Variants in SLC4A8 observed in about 807,000 individuals in gnomAD.
SLC4A8 encodes electroneutral sodium bicarbonate exchanger 1.
In SLC4A8, 40 loss-of-function variants were observed where a neutral mutation model predicts 125.0. The observed-to-expected ratio is 0.32, with a 90% confidence interval of 0.25 to 0.42. The LOEUF (loss-of-function observed/expected upper bound fraction) is 0.42, where lower values mean the gene tolerates loss of function less well. SLC4A8 is among the 10% of genes least tolerant of loss of function. The pLI, the probability that SLC4A8 is intolerant of heterozygous loss-of-function variation, is 1.00. For missense variants in SLC4A8, 863 were observed against 1,355.1 expected (o/e 0.64, Z 5.70); for synonymous variants, 456 against 476.0 (o/e 0.96, Z 0.55).
intron 16 of SLC4A8, among the ~76,000 whole-genome samples, chr12:51,478,797 A>C (rs1950934667): frequency 2.6e-5 from 4 of 152,214 alleles, no homozygotes; most frequent in Non-Finnish European, 4.4e-5. Context: ...AATTGTGAAC[A>C]ATCAGGATTC....
intron 11 of SLC4A8, among the ~76,000 whole-genome samples, chr12:51,468,689 G>A (rs1214355223): frequency 1.3e-5 from 2 of 152,180 alleles, no homozygotes; most frequent in Non-Finnish European, 1.5e-5. Context: ...GAACCCAGGA[G>A]GCGGAGCTTG....
chr12:51,427,869 G>A (rs10876179), intron 1 of SLC4A8, among the ~76,000 whole-genome samples: 8 of 152,136 alleles, frequency 5.3e-5, no homozygotes, highest in African/African-American at 1.9e-4. Context: ...GCCACAGGGA[G>A]CTTTTAAAAA....
At chr12:51,407,598 A>G (rs1436006098) in intron 1 of SLC4A8, among the ~76,000 whole-genome samples, 2 of 152,160 alleles carry the variant, frequency 1.3e-5, no homozygotes, top group Non-Finnish European at 2.9e-5. Flanking sequence ...AATTTTGAAG[A>G]GACACATTCA....
At chr12:51,491,254 G>A (rs1353546963) in intron 19 of SLC4A8, among the ~76,000 whole-genome samples, 1 of 152,138 alleles carries the variant, frequency 6.6e-6, no homozygotes, top group Non-Finnish European at 1.5e-5. Context: ...AAATTTGGGA[G>A]TCAACAGCAC....
At chr12:51,494,438 A>G (rs1165337051) in intron 20 of SLC4A8, 2 of 131,686 alleles carry the variant, frequency 1.5e-5, no homozygotes, top group Non-Finnish European at 3.2e-5. Context: ...TCCTATGGCC[A>G]TTCTTACATA....
Position 51,400,757 on chromosome 12 carries a change from TATATATATATATATATATATAC to T in SLC4A8, c.-112+9273_-112+9294del, listed in dbSNP as rs1311733562. Among the ~76,000 whole-genome samples, 12 of 7,368 alleles carry T rather than the reference TATATATATATATATATATATAC, an allele frequency of 1.6e-3. 1 individual carries two copies. The highest frequency in any genetic ancestry group is 2.9e-3 in the Non-Finnish European group (11 of 3,740). The allele number at this position is 7,368 out of a possible 152,430, so 4.8% of individuals were successfully genotyped here. ...ATATATATATATATATATATATATA[TATATATATATATATATATATAC>T]ATACATACACACACACACACACATA... On this transcript the variant is annotated intron_variant, in intron 1 of 24. Transcript: ENST00000358657.
intron 22 of SLC4A8, among the ~76,000 whole-genome samples, chr12:51,500,820 G>A (rs1305424566): frequency 6.6e-6 from 1 of 150,410 alleles, no homozygotes; most frequent in Non-Finnish European, 1.5e-5. Context: ...CCGAGTAGTC[G>A]GGACTACAGG....
At chr12:51,445,555 A>T (rs1301330214) in intron 2 of SLC4A8, among the ~76,000 whole-genome samples, 1 of 150,554 alleles carries the variant, frequency 6.6e-6, no homozygotes, top group Admixed American at 6.6e-5. Flanking sequence ...GTCCTTGTAC[A>T]TCTCCTTTCC....
chr12:51,405,373 G>A (rs941277515), intron 1 of SLC4A8, among the ~76,000 whole-genome samples: 13 of 152,190 alleles, frequency 8.5e-5, no homozygotes, highest in Admixed American at 2.6e-4. Flanking sequence ...TCTGAGCACT[G>A]GAGAGGTCAC....
At chr12:51,505,490 C>T (rs1364974748) in intron 23 of SLC4A8, among the ~76,000 whole-genome samples, 1 of 152,190 alleles carries the variant, frequency 6.6e-6, no homozygotes, top group Non-Finnish European at 1.5e-5. Context: ...GCAAGTGCTC[C>T]GTAAGTGGTA....
intron 16 of SLC4A8, among the ~76,000 whole-genome samples, chr12:51,475,913 A>G (rs1216566107): frequency 1.3e-5 from 2 of 152,232 alleles, no homozygotes; most frequent in Admixed American, 6.5e-5. Context: ...AATTATTTAC[A>G]TCCTTCAGTC....
At chr12:51,489,981 A>G in intron 19 of SLC4A8, 30 bp downstream of exon 19, 1 of 1,607,608 alleles carries the variant, frequency 6.2e-7, no homozygotes, top group South Asian at 1.1e-5. Flanking sequence ...TTCAGCAAAT[A>G]TCAAGGGCCT....
chr12:51,471,145 T>C (rs1028536306), intron 13 of SLC4A8, 142 bp from the exon 14 acceptor site: 1 of 803,614 alleles, frequency 1.2e-6, no homozygotes, highest in African/African-American at 1.7e-5. Flanking sequence ...CAGAGCACTA[T>C]TTAGAAGGAA....
At chr12:51,482,534 C>T (rs749431621) in intron 16 of SLC4A8, among the ~76,000 whole-genome samples, 1 of 152,086 alleles carries the variant, frequency 6.6e-6, no homozygotes, top group Admixed American at 6.5e-5. Context: ...TGTGCACCAC[C>T]ATGTCTAGCT....
Position 51,434,745 on chromosome 12 carries a change from C to G in SLC4A8, c.49-5963C>G, listed in dbSNP as rs563012960. 1.9e-3 allele frequency among the ~76,000 whole-genome samples: 291 copies of G among 152,190 alleles called. 3 individuals carry two copies. The highest frequency in any genetic ancestry group is 3.4e-3 in the Non-Finnish European group (232 of 68,002). On this transcript the variant is annotated intron_variant, in intron 1 of 24. Transcript: ENST00000453097. The stretch of plus-strand genomic sequence containing the variant: ...CTGTGTTCTCTGTGGTGTCAGGTGT[C>G]TGAAGACAGTACCAAGTATTATAAT...
chr12:51,504,030 A>G lies in SLC4A8; in HGVS notation c.3083A>G (p.Glu1028Gly), dbSNP rs530716814. 3.5e-4 allele frequency: 546 copies of G among 1,557,938 alleles called. No individual in the cohort carries two copies. Among genetic ancestry groups the G allele is most frequent in the Non-Finnish European group, 4.6e-4 (529 of 1,142,714 alleles). ...DAKKKAKEEE[E>G]AEKMLEIGGD... ...TAATAATGTTTCTTTTTCTTCCAGGAGGCTGAGAAAATGTTAGAAATTGGG... is the reference window on the plus strand; with the variant it reads ...TAATAATGTTTCTTTTTCTTCCAGGGGGCTGAGAAAATGTTAGAAATTGGG... The change falls in exon 23 of 25, where the codon GAG (glutamate) becomes GGG (glycine). Residue 1028 changes from glutamate (E) to glycine (G), a missense_variant and splice_region_variant. Glu to Gly is a moderately conservative substitution (Grantham distance 98). Transcript: ENST00000453097.
chr12:51,403,515 ACAAG>A (rs1198435255), intron 1 of SLC4A8, among the ~76,000 whole-genome samples: 1 of 152,192 alleles, frequency 6.6e-6, no homozygotes, highest in Non-Finnish European at 1.5e-5. Flanking sequence ...TAGAAATGAA[ACAAG>A]GGTACATTTA....
intron 1 of SLC4A8, among the ~76,000 whole-genome samples, chr12:51,419,482 T>C (rs1008637184): frequency 7.9e-5 from 12 of 152,200 alleles, no homozygotes; most frequent in African/African-American, 2.9e-4. Flanking sequence ...ATGGATAAGA[T>C]AAATGTATTG....
chr12:51,412,183 C>T (rs1349649162), intron 1 of SLC4A8, among the ~76,000 whole-genome samples: 1 of 151,958 alleles, frequency 6.6e-6, no homozygotes, highest in Non-Finnish European at 1.5e-5. Flanking sequence ...GATAAATATT[C>T]CATGAACCAT....
Sources: gnomAD v4.1 joint callset for allele counts (sites outside exome capture counted in the v4.1 genomes callset) on GRCh38, gnomAD v4.1.1 for gene constraint, MANE v1.5 for transcripts, NCBI Gene and HGNC (gene_info 2026-07-23, HGNC 2026-07-21) for gene names.